The following NQO1 variants were observed in gnomAD, a reference collection of about 807,000 sequenced individuals.
NQO1 encodes the protein NAD(P)H quinone dehydrogenase 1.
NQO1 carries 30 observed loss-of-function variants against 32.1 expected under a neutral mutation model. The ratio of observed to expected loss-of-function variants is 0.94; its 90% CI spans 0.70 to 1.27. NQO1 has a LOEUF of 1.27. Ranked by LOEUF, NQO1 falls within the 50% of genes most tolerant of loss-of-function variation. The pLI, the probability that NQO1 is intolerant of heterozygous loss-of-function variation, is 0.00. For synonymous variants in NQO1, 109 were observed against 119.7 expected (o/e 0.91, Z 0.59); for missense variants, 276 against 331.3 (o/e 0.83, Z 1.30).
intron 1 of NQO1, among the ~76,000 whole-genome samples, chr16:69,719,925 C>T (rs1250429205): frequency 1.3e-5 from 2 of 152,050 alleles, no homozygotes; most frequent in Non-Finnish European, 2.9e-5. Context: ...CCAGCATGGG[C>T]AGCATAGTGA....
At chr16:69,719,824 G>A (rs1329308746) in intron 1 of NQO1, among the ~76,000 whole-genome samples, 2 of 151,292 alleles carry the variant, frequency 1.3e-5, no homozygotes, top group African/African-American at 4.8e-5. Context: ...AAAAGAATGA[G>A]TTAAACTGGC....
At chr16:69,713,202 G>C (rs192983313) in intron 4 of NQO1, 73 bp from the exon 5 acceptor site, 120 of 1,107,554 alleles carry the variant, frequency 1.1e-4, no homozygotes, top group Non-Finnish European at 1.5e-4. Context: ...TAATGAAACA[G>C]CTCCAGGGAA....
At chr16:69,717,935 C>T in intron 3 of NQO1, 188 bp downstream of exon 3, 1 of 887,488 alleles carries the variant, frequency 1.1e-6, no homozygotes, top group South Asian at 1.7e-5. Context: ...ACACATGCAA[C>T]AGTAATACAG....
Position 69,711,216 on chromosome 16 carries a change from G to C in NQO1, c.585C>G (p.His195Gln), listed in dbSNP as rs199904938. Reference protein sequence around the residue: ...LEPQLTYSIGHTPADARIQIL... With the variant: ...LEPQLTYSIGQTPADARIQIL... ...TTTGAATTCGGGCGTCTGCTGGAGT[G>C]TGCCCAATGCTATATGTCAGTTGAG... Residue 195 changes from histidine to glutamine, a missense_variant, in exon 6 of 6, where the codon CAC (histidine) becomes CAG (glutamine). His to Gln is a conservative substitution (Grantham distance 24). Coordinates refer to ENST00000320623, the MANE Select transcript of NQO1 (RefSeq NM_000903.3). 1.2e-6 allele frequency: 2 copies of C among 1,614,026 alleles called. No homozygotes were observed. The highest frequency in any genetic ancestry group is 2.7e-5 in the African/African-American group (2 of 74,932).
At chr16:69,714,030 C>T (rs1276147148) in intron 4 of NQO1, among the ~76,000 whole-genome samples, 5 of 151,968 alleles carry the variant, frequency 3.3e-5, no homozygotes, top group South Asian at 2.1e-4. Context: ...CACGTGCCAC[C>T]GCACCCGGCT....
At position 69,726,532 on chromosome 16, in the gene NQO1, C is replaced by G. The variant is rs1419450896; in HGVS notation, c.-93G>C. 1.3e-6 allele frequency: 2 copies of G among 1,545,302 alleles called. No individual in the cohort carries two copies. Among genetic ancestry groups the G allele is most frequent in the Non-Finnish European group, 1.7e-6 (2 of 1,143,906 alleles). ...TAGGCTCTCGGTGAGCTGGGCGGCT[C>G]CGGCTGCAACCTTGTGGGAGTCGCG... On this transcript the variant is annotated 5_prime_UTR_variant, in exon 1 of 6. Coordinates refer to ENST00000320623, the MANE Select transcript of NQO1 (RefSeq NM_000903.3).
intron 1 of NQO1, among the ~76,000 whole-genome samples, chr16:69,724,773 T>C (rs549215244): frequency 6.6e-6 from 1 of 152,274 alleles, no homozygotes; most frequent in Admixed American, 6.5e-5. Flanking sequence ...TGCCTTCTCT[T>C]CTCACTTGAG....
intron 1 of NQO1, among the ~76,000 whole-genome samples, chr16:69,722,325 G>C (rs1184695479): frequency 6.6e-6 from 1 of 152,156 alleles, no homozygotes; most frequent in African/African-American, 2.4e-5. Context: ...ACCACGCCCG[G>C]CTAATTTTTT....
chr16:69,718,373 T>C lies in NQO1; in HGVS notation c.169A>G (p.Thr57Ala). ...GGGGAGGAGGAACTCCTCCTACCTGTGATGTCCTTTCTGGAAATGATGGGA... is the reference window on the plus strand; with the variant it reads ...GGGGAGGAGGAACTCCTCCTACCTGCGATGTCCTTTCTGGAAATGATGGGA... Reference protein sequence around the residue: ...FNPIISRKDITGKLKDPANFQ... With the variant: ...FNPIISRKDIAGKLKDPANFQ... Residue 57 changes from threonine to alanine, a missense_variant, in exon 2 of 6, where the codon ACA (threonine) becomes GCA (alanine). Transcript: ENST00000320623. 1 of 1,614,170 alleles carries C rather than the reference T, an allele frequency of 6.2e-7. No homozygotes were observed. The highest frequency in any genetic ancestry group is 1.7e-5 in the Admixed American group (1 of 60,026).
At position 69,711,216 on chromosome 16, in the gene NQO1, G is replaced by A. The variant is rs199904938; in HGVS notation, c.585C>T (p.His195=). Residue 195 remains histidine, a synonymous_variant, in exon 6 of 6, where the codon CAC becomes CAT. Transcript: ENST00000320623. ...TTTGAATTCGGGCGTCTGCTGGAGT[G>A]TGCCCAATGCTATATGTCAGTTGAG... ...LEPQLTYSIG[H]TPADARIQIL... is the part of the protein sequence containing the mutation. The A allele has an allele frequency of 1.5e-5, 24 of 1,614,144 alleles. 1 individual carries two copies. The highest frequency in any genetic ancestry group is 1.7e-5 in the Non-Finnish European group (20 of 1,180,006).
intron 3 of NQO1, among the ~76,000 whole-genome samples, chr16:69,716,155 G>A (rs370829215): frequency 1.3e-5 from 2 of 150,380 alleles, no homozygotes; most frequent in African/African-American, 4.9e-5. Flanking sequence ...GACAGAGCAA[G>A]ACTCCATCTC....
chr16:69,718,386 G>A lies in NQO1; in HGVS notation c.156C>T (p.Ser52=), dbSNP rs756250622. The stretch of plus-strand genomic sequence containing the variant: ...TCCTCCTACCTGTGATGTCCTTTCT[G>A]GAAATGATGGGATTGAAGTTCATGG... ...LYAMNFNPII[S]RKDITGKLKD... Residue 52 remains serine (S), a synonymous_variant, in exon 2 of 6, where the codon TCC becomes TCT. Transcript: ENST00000320623. The A allele has an allele frequency of 3.7e-6, 6 of 1,614,160 alleles. No homozygotes were observed. The South Asian group carries it at 5.5e-5, about 15-fold the overall frequency.
In NQO1 at chr16:69,717,900, C is replaced by G. The variant is rs546229033; in HGVS notation, c.303+223G>C. ...TGCTGGGATTACAGGCGTGAGCCAC[C>G]GTGCCTGGCCTTGCAGTTGCATTTA... is the stretch of plus-strand genomic sequence containing the variant. On this transcript the variant is annotated intron_variant, in intron 3 of 5. Coordinates refer to ENST00000320623, the MANE Select transcript of NQO1 (RefSeq NM_000903.3). The G allele has an allele frequency of 1.0e-5, 6 of 599,870 alleles. No homozygotes were observed. The East Asian group carries it at 1.4e-4, about 14-fold the overall frequency. The allele number at this position is 599,870 out of a possible 1,614,324, so 37.2% of individuals were successfully genotyped here.
intron 3 of NQO1, 138 bp downstream of exon 3, chr16:69,717,985 C>T: frequency 1.7e-6 from 2 of 1,209,520 alleles, no homozygotes; most frequent in Non-Finnish European, 2.3e-6. Context: ...TAATACTGCA[C>T]CTTTAAAGTA....
chr16:69,713,108 T>C lies in NQO1; in HGVS notation c.439A>G (p.Ile147Val). 1 of 1,613,998 alleles carries C rather than the reference T, an allele frequency of 6.2e-7. No homozygotes were observed. Reference sequence around the variant, plus strand: ...ATGGAGCCACTGCCACCAGTGGTGATGGAAAGCACTGCCTTCTTACTCTGC... The same window carrying C: ...ATGGAGCCACTGCCACCAGTGGTGACGGAAAGCACTGCCTTCTTACTCTGC... ...PFRSKKAVLS[I>V]TTGGSGSMYS... The change falls in exon 5 of 6, where the codon ATC becomes GTC. Residue 147 changes from isoleucine to valine, a missense_variant. By Grantham distance (29) the Ile-to-Val change is conservative. Transcript: ENST00000320623.
intron 1 of NQO1, among the ~76,000 whole-genome samples, chr16:69,719,547 G>A (rs1384283279): frequency 5.3e-5 from 8 of 152,044 alleles, no homozygotes; most frequent in East Asian, 3.9e-4. Context: ...AGGCTGAGGC[G>A]GGCAGGTCAC....
chr16:69,721,360 C>T (rs1276671379), intron 1 of NQO1, among the ~76,000 whole-genome samples: 1 of 152,156 alleles, frequency 6.6e-6, no homozygotes, highest in East Asian at 1.9e-4. Context: ...AAAGAGGCTT[C>T]GCCCAGCACG....
At position 69,711,165 on chromosome 16, in the gene NQO1, C is replaced by T. The variant is rs761192481; in HGVS notation, c.636G>A (p.Leu212=). 9 of 1,614,174 alleles carry T rather than the reference C, an allele frequency of 5.6e-6. No homozygotes were observed. Among genetic ancestry groups the T allele is most frequent in the Non-Finnish European group, 5.9e-6 (7 of 1,180,034 alleles). Residue 212 remains leucine, a synonymous_variant, in exon 6 of 6, where the codon CTG becomes CTA. Transcript: ENST00000320623. ...GTGGTGTCTCATCCCAAATATTCTCCAGGCGTTTCTTCCATCCTTCCAGGA... is the reference window on the plus strand; with the variant it reads ...GTGGTGTCTCATCCCAAATATTCTCTAGGCGTTTCTTCCATCCTTCCAGGA... ...IQILEGWKKR[L]ENIWDETPLY... is the part of the protein sequence containing the mutation.
intron 3 of NQO1, among the ~76,000 whole-genome samples, chr16:69,715,698 G>A (rs752501684): frequency 3.5e-4 from 53 of 152,214 alleles, no homozygotes; most frequent in Non-Finnish European, 5.1e-4. Flanking sequence ...AACCCGGGAG[G>A]TGGAGGTTAC....
Sources: gnomAD v4.1 joint callset for allele counts (sites outside exome capture counted in the v4.1 genomes callset) on GRCh38, gnomAD v4.1.1 for gene constraint, MANE v1.5 for transcripts, NCBI Gene and HGNC (gene_info 2026-07-23, HGNC 2026-07-21) for gene names.